The following FANCC variants were observed in gnomAD, a reference collection of about 807,000 sequenced individuals.
The protein encoded by FANCC is Fanconi anemia group C protein.
A neutral mutation model predicts 71.3 loss-of-function variants in FANCC; 55 were observed. The ratio of observed to expected loss-of-function variants is 0.77; its 90% CI spans 0.62 to 0.97. The LOEUF is 0.97. FANCC is among the 50% of genes least tolerant of loss of function. FANCC has a pLI of 0.00. For synonymous variants in FANCC, 275 were observed against 244.9 expected, an observed-to-expected ratio of 1.12 and a Z score of -1.15; for missense variants, 678 against 670.9, an observed-to-expected ratio of 1.01 and a Z score of -0.12.
At chr9:95,297,083 A>C (rs1296155213) in intron 1 of FANCC, among the ~76,000 whole-genome samples, 1 of 152,228 alleles carries the variant, frequency 6.6e-6, no homozygotes. Flanking sequence ...GTGTTGAGGA[A>C]AGTTTCCAGA....
chr9:95,292,505 G>A, intron 1 of FANCC: 1 of 1,445,848 alleles, frequency 6.9e-7, no homozygotes, highest in Admixed American at 2.6e-5. Context: ...GGGTGACGCA[G>A]CAGCCCGCGG....
intron 13 of FANCC, chr9:95,111,043 A>G: frequency 6.8e-7 from 1 of 1,462,380 alleles, no homozygotes; most frequent in Non-Finnish European, 9.0e-7. Flanking sequence ...TCAAGATGGA[A>G]GCAAGCCCTG....
intron 8 of FANCC, among the ~76,000 whole-genome samples, chr9:95,128,216 C>A (rs1457995028): frequency 6.6e-6 from 1 of 152,040 alleles, no homozygotes; most frequent in African/African-American, 2.4e-5. Flanking sequence ...TCTATGTATT[C>A]ATAATGAAAA....
Position 95,107,162 on chromosome 9 carries a change from G to C in FANCC, c.1437C>G (p.Leu479=), listed in dbSNP as rs765396609. 1 of 1,614,204 alleles carries C rather than the reference G, an allele frequency of 6.2e-7. No individual in the cohort carries two copies. The highest frequency in any genetic ancestry group is 1.1e-5 in the South Asian group (1 of 91,086). Residue 479 remains leucine, a synonymous_variant, in exon 14 of 15, where the codon CTC becomes CTG. Transcript: ENST00000289081. ...TGATCAGCTGTTGTGCAGGAGCTCT[G>C]AGGTCTGTGTCTGTGCCCTGTCCTG... The part of the protein sequence containing the change: ...TVAGQGTDTD[L]RAPAQQLIRH...
At chr9:95,165,139 G>T (rs1481379664) in intron 6 of FANCC, among the ~76,000 whole-genome samples, 1 of 151,368 alleles carries the variant, frequency 6.6e-6, no homozygotes, top group Admixed American at 6.6e-5. Context: ...CTTTATTCCT[G>T]ATTTTTGCTA....
intron 9 of FANCC, 131 bp downstream of exon 9, chr9:95,126,398 G>A: frequency 5.6e-6 from 5 of 893,890 alleles, no homozygotes; most frequent in Admixed American, 2.1e-5. Flanking sequence ...AAAGCTCAGA[G>A]GAACAGGAGG....
intron 2 of FANCC, 46 bp downstream of exon 2, chr9:95,249,081 T>A: frequency 1.3e-6 from 2 of 1,599,054 alleles, no homozygotes; most frequent in African/African-American, 1.3e-5. Flanking sequence ...TCTGGTAGAG[T>A]CCCTGAAGTC....
intron 4 of FANCC, among the ~76,000 whole-genome samples, chr9:95,238,220 C>G (rs1401934150): frequency 6.6e-6 from 1 of 152,166 alleles, no homozygotes; most frequent in Non-Finnish European, 1.5e-5. Flanking sequence ...CTTACCTCAC[C>G]TAAGGCTTCC....
At chr9:95,158,142 C>T (rs1369812167) in intron 6 of FANCC, among the ~76,000 whole-genome samples, 2 of 152,092 alleles carry the variant, frequency 1.3e-5, no homozygotes, top group East Asian at 1.9e-4. Context: ...ACATCCATCC[C>T]GCCCTAACTC....
At chr9:95,212,214 A>T (rs914765184) in intron 4 of FANCC, among the ~76,000 whole-genome samples, 1 of 152,084 alleles carries the variant, frequency 6.6e-6, no homozygotes, top group Admixed American at 6.5e-5. Flanking sequence ...TGATAACTAA[A>T]TTTTTTCCAA....
chr9:95,101,853 G>A lies in FANCC; in HGVS notation c.1534-3C>T, dbSNP rs2134383922. On this transcript the variant is annotated splice_polypyrimidine_tract_variant and splice_region_variant and intron_variant, in intron 14 of 14. Transcript: ENST00000289081. ...GTTATCTCAGCAGTGTGAGCCATCTGCAATCAGGACAGAAGAGAAGGCAAA... is the reference window on the plus strand; with the variant it reads ...GTTATCTCAGCAGTGTGAGCCATCTACAATCAGGACAGAAGAGAAGGCAAA... 1.2e-6 allele frequency: 2 copies of A among 1,613,912 alleles called. No individual in the cohort carries two copies. Among genetic ancestry groups the A allele is most frequent in the South Asian group, 1.1e-5 (1 of 91,088 alleles).
At chr9:95,174,234 C>T (rs1825870848) in intron 4 of FANCC, among the ~76,000 whole-genome samples, 1 of 152,016 alleles carries the variant, frequency 6.6e-6, no homozygotes. Context: ...AGGAAACGGA[C>T]ACTATGAATG....
At chr9:95,142,712 G>T (rs1254129222) in intron 7 of FANCC, among the ~76,000 whole-genome samples, 1 of 152,162 alleles carries the variant, frequency 6.6e-6, no homozygotes, top group African/African-American at 2.4e-5. Flanking sequence ...GAAGTGGCAT[G>T]GTCTAGATTT....
At chr9:95,273,810 C>T (rs758700997) in intron 1 of FANCC, among the ~76,000 whole-genome samples, 1 of 152,188 alleles carries the variant, frequency 6.6e-6, no homozygotes, top group African/African-American at 2.4e-5. Context: ...GTCAGTTGCT[C>T]ATCCCACAAA....
At chr9:95,111,214 G>A in intron 13 of FANCC, 2 of 1,536,432 alleles carry the variant, frequency 1.3e-6, no homozygotes, top group Middle Eastern at 1.7e-4. Context: ...CCTTGGGGAA[G>A]AAGGGTCTTC....
intron 1 of FANCC, among the ~76,000 whole-genome samples, chr9:95,279,015 A>T (rs1833214764): frequency 6.6e-6 from 1 of 151,606 alleles, no homozygotes; most frequent in South Asian, 2.1e-4. Flanking sequence ...AAATCTCTAC[A>T]AAAAAATAAA....
intron 1 of FANCC, among the ~76,000 whole-genome samples, chr9:95,302,746 C>T (rs1239004230): frequency 6.6e-6 from 1 of 152,176 alleles, no homozygotes; most frequent in Non-Finnish European, 1.5e-5. Context: ...GATATGAAGG[C>T]CTGCTTCCTG....
intron 6 of FANCC, among the ~76,000 whole-genome samples, chr9:95,159,646 T>A (rs536537694): frequency 1.3e-5 from 2 of 152,302 alleles, no homozygotes; most frequent in African/African-American, 4.8e-5. Context: ...TACACTCCCA[T>A]CAACAGTGCA....
chr9:95,159,647 C>T (rs1830637025), intron 6 of FANCC, among the ~76,000 whole-genome samples: 1 of 152,192 alleles, frequency 6.6e-6, no homozygotes, highest in South Asian at 2.1e-4. Flanking sequence ...ACACTCCCAT[C>T]AACAGTGCAA....
Sources: allele counts gnomAD v4.1 joint callset (sites outside exome capture counted in the v4.1 genomes callset), GRCh38; gene constraint gnomAD v4.1.1; transcripts MANE v1.5; gene names NCBI Gene and HGNC (gene_info 2026-07-23, HGNC 2026-07-21).